The following MACROD2 variants were observed in gnomAD, a reference collection of about 807,000 sequenced individuals.
MACROD2 encodes the protein mono-ADP ribosylhydrolase 2, also known as ADP-ribose glycohydrolase MACROD2.
In MACROD2, 36 loss-of-function variants were observed where a neutral mutation model predicts 70.4. The observed-to-expected ratio is 0.51, with a 90% confidence interval of 0.39 to 0.68. The LOEUF is 0.68. MACROD2 is among the 30% of genes least tolerant of loss of function. The pLI, the probability that MACROD2 is intolerant of heterozygous loss-of-function variation, is 0.00. For missense variants in MACROD2, 496 were observed against 538.4 expected (o/e 0.92, Z 0.78); for synonymous variants, 172 against 178.8 (o/e 0.96, Z 0.30).
intron 8 of MACROD2, among the ~76,000 whole-genome samples, chr20:15,835,324 C>T (rs1479427552): frequency 6.6e-6 from 1 of 151,690 alleles, no homozygotes; most frequent in African/African-American, 2.4e-5. Flanking sequence ...AAATTTCTTC[C>T]TCCCCCCTTT....
intron 5 of MACROD2, among the ~76,000 whole-genome samples, chr20:15,048,639 G>A (rs1043567217): frequency 2.6e-5 from 4 of 151,996 alleles, no homozygotes; most frequent in African/African-American, 9.7e-5. Context: ...CTATAGAAAC[G>A]ATTCCTGAAA....
intron 8 of MACROD2, among the ~76,000 whole-genome samples, chr20:15,536,782 A>G (rs1312484689): frequency 6.6e-6 from 1 of 152,206 alleles, no homozygotes; most frequent in Non-Finnish European, 1.5e-5. Context: ...GATCGTTTCC[A>G]TCCTAAGATA....
In MACROD2 at chr20:14,938,553, G is replaced by T. The variant is rs145479696; in HGVS notation, c.418+253594G>T. Among the ~76,000 whole-genome samples the T allele has an allele frequency of 3.9e-5, 6 of 152,170 alleles. No homozygotes were observed. In the East Asian group the frequency reaches 9.7e-4, roughly 25 times the overall value. On this transcript the variant is annotated intron_variant, in intron 5 of 17. Transcript: ENST00000684519. ...TCCAGCATTTTGGGAGGCCGAGATG[G>T]GCCAATCACTTGAGGCCAGGAGTTC...
chr20:15,039,543 G>C (rs778562411), intron 5 of MACROD2, among the ~76,000 whole-genome samples: 1 of 152,134 alleles, frequency 6.6e-6, no homozygotes, highest in Non-Finnish European at 1.5e-5. Context: ...GCATGGCCAG[G>C]TGCCATACTT....
chr20:14,049,181 A>AAAAAC (rs1569134339), intron 2 of MACROD2, among the ~76,000 whole-genome samples: 1 of 95,088 alleles, frequency 1.1e-5, no homozygotes, highest in East Asian at 3.1e-4. Context: ...TAATAAAAAA[A>AAAAAC]AAAAAAAACA....
At chr20:14,369,800 T>TA (rs1196665758) in intron 3 of MACROD2, among the ~76,000 whole-genome samples, 1 of 152,146 alleles carries the variant, frequency 6.6e-6, no homozygotes, top group Non-Finnish European at 1.5e-5. Context: ...ACCACCTCCA[T>TA]AAAAAAAGAT....
At chr20:15,094,867 T>C (rs1009175441) in intron 5 of MACROD2, among the ~76,000 whole-genome samples, 3 of 152,056 alleles carry the variant, frequency 2.0e-5, no homozygotes, top group African/African-American at 4.8e-5. Flanking sequence ...CATAGGGACA[T>C]CAATGAGAGA....
intron 8 of MACROD2, among the ~76,000 whole-genome samples, chr20:15,682,198 A>G (rs2050169392): frequency 6.6e-6 from 1 of 152,182 alleles, no homozygotes; most frequent in African/African-American, 2.4e-5. Flanking sequence ...GGGCAGAGCT[A>G]AGTTCTGAGG....
intron 6 of MACROD2, among the ~76,000 whole-genome samples, chr20:15,426,127 G>A (rs2046293391): frequency 6.6e-6 from 1 of 150,750 alleles, no homozygotes; most frequent in Non-Finnish European, 1.5e-5. Flanking sequence ...TTGTTTATCT[G>A]CTGACCTTCC....
rs1227333018 is a variant in MACROD2 at position 16,036,320 on chromosome 20, G to GTCTAAT, written c.1154-4879_1154-4874dup. The stretch of plus-strand genomic sequence containing the variant: ...ATCTCTCACGTTTATATATTTAAAA[G>GTCTAAT]TCTAATTAACTACATTCTGTGTGCA... On this transcript the variant is annotated intron_variant, in intron 15 of 17. Transcript: ENST00000684519. 2.0e-5 allele frequency among the ~76,000 whole-genome samples: 3 copies of GTCTAAT among 151,816 alleles called. No homozygotes were observed. In the East Asian group the frequency reaches 5.8e-4, roughly 30 times the overall value.
intron 5 of MACROD2, among the ~76,000 whole-genome samples, chr20:15,221,507 A>G (rs1276975724): frequency 6.6e-6 from 1 of 152,226 alleles, no homozygotes; most frequent in Non-Finnish European, 1.5e-5. Flanking sequence ...AAAACTATCA[A>G]TGGCTGACCA....
intron 5 of MACROD2, among the ~76,000 whole-genome samples, chr20:14,774,295 C>A (rs1006487231): frequency 3.3e-5 from 5 of 151,970 alleles, no homozygotes; most frequent in Non-Finnish European, 7.4e-5. Context: ...TACTTTATAA[C>A]CTTTTAGAAA....
At chr20:15,947,797 C>A (rs1262079072) in intron 12 of MACROD2, among the ~76,000 whole-genome samples, 1 of 152,116 alleles carries the variant, frequency 6.6e-6, no homozygotes, top group Non-Finnish European at 1.5e-5. Context: ...GAGAGCCTTG[C>A]ATAAAATTAG....
intron 8 of MACROD2, among the ~76,000 whole-genome samples, chr20:15,792,988 T>C (rs2063638608): frequency 1.3e-5 from 2 of 152,136 alleles, no homozygotes; most frequent in African/African-American, 4.8e-5. Flanking sequence ...ACATGAAGCG[T>C]ATCTCTTAAT....
At chr20:15,813,258 ATTCTG>A (rs2063838796) in intron 8 of MACROD2, among the ~76,000 whole-genome samples, 1 of 152,222 alleles carries the variant, frequency 6.6e-6, no homozygotes, top group Admixed American at 6.5e-5. Flanking sequence ...TTCATCTGAA[ATTCTG>A]TTGCTTACAC....
intron 3 of MACROD2, among the ~76,000 whole-genome samples, chr20:14,485,681 A>AGG (rs2084718904): frequency 1.1e-5 from 1 of 95,052 alleles, no homozygotes. Context: ...CAGCCTGGGC[A>AGG]ACAGAGCAAG....
In MACROD2 at chr20:14,236,475, A is replaced by T. The variant is rs544019237; in HGVS notation, c.271+150747A>T. Among the ~76,000 whole-genome samples the T allele has an allele frequency of 2.6e-5, 4 of 151,266 alleles. No homozygotes were observed. In the East Asian group the frequency reaches 5.8e-4, roughly 22 times the overall value. ...TACCTTGTAGTAGTCTTGCTTACTT[A>T]AAAAAAAAGCAAAAAAAACTACATC... On this transcript the variant is annotated intron_variant, in intron 3 of 17. Coordinates refer to ENST00000684519, the MANE Select transcript of MACROD2 (RefSeq NM_001351661.2).
At chr20:14,682,360 A>G (rs2070942822) in intron 4 of MACROD2, among the ~76,000 whole-genome samples, 1 of 151,850 alleles carries the variant, frequency 6.6e-6, no homozygotes, top group African/African-American at 2.4e-5. Flanking sequence ...TCTGTTTCCC[A>G]TCTCATAATA....
In MACROD2 at chr20:15,499,637, AC is replaced by A. The variant is rs1308722720; in HGVS notation, c.572-136del. The A allele has an allele frequency of 5.8e-6, 4 of 695,050 alleles. No individual in the cohort carries two copies. The African/African-American group carries it at 7.1e-5, about 12-fold the overall frequency. The allele number at this position is 695,050 out of a possible 1,614,324, so 43.1% of individuals were successfully genotyped here. On this transcript the variant is annotated intron_variant, in intron 7 of 17. Transcript: ENST00000684519. ...AGGATCACAGGCTTCATATCCATGT[AC>A]ATCTTACTGAGGCCTGTACTTATTG...
Sources: allele counts gnomAD v4.1 joint callset (sites outside exome capture counted in the v4.1 genomes callset), GRCh38; gene constraint gnomAD v4.1.1; transcripts MANE v1.5; gene names NCBI Gene and HGNC (gene_info 2026-07-23, HGNC 2026-07-21).